Variants in JAM2 observed in about 807,000 individuals in gnomAD.
The protein encoded by JAM2 is junctional adhesion molecule B.
In JAM2, 17 loss-of-function variants were observed where a neutral mutation model predicts 42.0. The observed-to-expected ratio is 0.40, with a 90% CI of 0.28 to 0.61. The LOEUF (loss-of-function observed/expected upper bound fraction) is 0.61. Ranked by LOEUF, JAM2 falls within the 20% of genes least tolerant of loss-of-function variation. The pLI, the probability that JAM2 is intolerant of heterozygous loss-of-function variation, is 0.37. For synonymous variants in JAM2, 118 were observed against 128.6 expected (o/e 0.92, Z 0.56); for missense variants, 319 against 358.3 (o/e 0.89, Z 0.89).
intron 1 of JAM2, among the ~76,000 whole-genome samples, chr21:25,681,129 C>A (rs181369243): frequency 8.5e-5 from 13 of 152,140 alleles, no homozygotes; most frequent in Non-Finnish European, 1.6e-4. Context: ...CGAGAAATAA[C>A]CTTCTTTAGA....
intron 1 of JAM2, among the ~76,000 whole-genome samples, chr21:25,650,815 G>C (rs1394260128): frequency 1.3e-5 from 2 of 152,054 alleles, no homozygotes; most frequent in Admixed American, 6.6e-5. Context: ...CAAGCCAATG[G>C]AAGAGTATAT....
At chr21:25,685,454 GT>G (rs2033728919) in intron 2 of JAM2, among the ~76,000 whole-genome samples, 1 of 134,730 alleles carries the variant, frequency 7.4e-6, no homozygotes, top group Non-Finnish European at 1.5e-5. Flanking sequence ...GAGTGCAGGA[GT>G]TTGAGGCTGC....
At chr21:25,642,318 T>G (rs2032469071) in intron 1 of JAM2, among the ~76,000 whole-genome samples, 1 of 152,194 alleles carries the variant, frequency 6.6e-6, no homozygotes, top group Non-Finnish European at 1.5e-5. Context: ...CTTCATTTAT[T>G]TATTTAATCA....
At chr21:25,668,458 A>G (rs1568897188) in intron 1 of JAM2, among the ~76,000 whole-genome samples, 1 of 152,206 alleles carries the variant, frequency 6.6e-6, no homozygotes, top group African/African-American at 2.4e-5. Context: ...CAGATTCGGA[A>G]TGCATTTTGA....
At chr21:25,695,946 G>A (rs2034011914) in intron 4 of JAM2, among the ~76,000 whole-genome samples, 1 of 152,158 alleles carries the variant, frequency 6.6e-6, no homozygotes, top group Non-Finnish European at 1.5e-5. Flanking sequence ...CCAGACGATG[G>A]GTGGCCAGGC....
chr21:25,674,037 T>C (rs1391377231), intron 1 of JAM2, among the ~76,000 whole-genome samples: 1 of 152,216 alleles, frequency 6.6e-6, no homozygotes, highest in Non-Finnish European at 1.5e-5. Context: ...CCTTCCACCA[T>C]AATTGTGAGG....
chr21:25,671,720 G>A (rs2033366719), intron 1 of JAM2, among the ~76,000 whole-genome samples: 1 of 152,184 alleles, frequency 6.6e-6, no homozygotes, highest in Middle Eastern at 3.2e-3. Flanking sequence ...TGTTGGCCAG[G>A]CTGGTCTCGA....
rs1239521257 is a variant in JAM2 at position 25,716,150 on chromosome 21, A to C, written c.*1478A>C. 2.0e-5 allele frequency: 3 copies of C among 151,764 alleles called. No individual in the cohort carries two copies. The highest frequency in any genetic ancestry group is 6.6e-5 in the Admixed American group (1 of 15,230). The allele number at this position is 151,764 out of a possible 1,614,324, so 9.4% of individuals were successfully genotyped here. On this transcript the variant is annotated 3_prime_UTR_variant, in exon 10 of 10. Coordinates refer to ENST00000480456, the MANE Select transcript of JAM2 (RefSeq NM_021219.4). ...GTAGCTGAGATTATAGGCGTGTACC[A>C]CCACACCTGGCTAATTTTTGTATTT...
At chr21:25,687,598 T>A (rs944045249) in intron 2 of JAM2, among the ~76,000 whole-genome samples, 1 of 152,224 alleles carries the variant, frequency 6.6e-6, no homozygotes, top group Non-Finnish European at 1.5e-5. Context: ...TTGTTTCTTA[T>A]GGCTGCCATT....
intron 9 of JAM2, among the ~76,000 whole-genome samples, chr21:25,712,712 C>T (rs1478142488): frequency 1.3e-5 from 2 of 152,118 alleles, no homozygotes; most frequent in East Asian, 1.9e-4. Flanking sequence ...AATTAAAACA[C>T]AGGTTCTTAC....
At chr21:25,709,389 C>A in intron 7 of JAM2, 45 bp from the exon 8 acceptor site, 2 of 1,029,972 alleles carry the variant, frequency 1.9e-6, no homozygotes, top group Non-Finnish European at 1.4e-6. Flanking sequence ...CTGTATCATA[C>A]CATAATAACC....
chr21:25,676,286 C>CAA lies in JAM2; in HGVS notation c.68-7581_68-7580dup, dbSNP rs397958040. ...CTGGGTGACACAGAGAGACTCGTCTCAAAAAAAAAAAAAAAAAGAAAAAGA... is the reference window on the plus strand; with the variant it reads ...CTGGGTGACACAGAGAGACTCGTCTCAAAAAAAAAAAAAAAAAAAGAAAAAGA... On this transcript the variant is annotated intron_variant, in intron 1 of 9. Coordinates refer to ENST00000480456, the MANE Select transcript of JAM2 (RefSeq NM_021219.4). 4.2e-3 allele frequency among the ~76,000 whole-genome samples: 257 copies of CAA among 60,950 alleles called. 7 individuals are homozygous for CAA. The highest frequency in any genetic ancestry group is 0.029 in the East Asian group (74 of 2,566). 40.0% of individuals were successfully genotyped at this position (60,950 alleles called of 152,430 possible). A position where few individuals can be genotyped will look rare whatever the true frequency, so the allele number is the denominator to read the frequency against.
At chr21:25,678,562 A>G (rs906217877) in intron 1 of JAM2, among the ~76,000 whole-genome samples, 2 of 152,224 alleles carry the variant, frequency 1.3e-5, no homozygotes, top group Non-Finnish European at 2.9e-5. Flanking sequence ...AGTTCTTTTG[A>G]AATGACTCCC....
At chr21:25,654,391 G>T (rs1339776994) in intron 1 of JAM2, among the ~76,000 whole-genome samples, 1 of 152,152 alleles carries the variant, frequency 6.6e-6, no homozygotes, top group East Asian at 1.9e-4. Flanking sequence ...GCTCACGCCT[G>T]TAATCCCAGC....
In JAM2 at chr21:25,689,990, T is replaced by G. The variant is rs79395411; in HGVS notation, c.241+17T>G. The G allele has an allele frequency of 9.8e-4, 1,475 of 1,503,618 alleles. 21 individuals are homozygous for G. In the East Asian group the frequency reaches 0.026, roughly 27 times the overall value. 93.1% of individuals were successfully genotyped at this position (1,503,618 alleles called of 1,614,324 possible). ...CTCTTCAAGGTAAGCAGCTGTAGGC[T>G]TGAAGAGGTGTGAGCAAGAGAATGC... On this transcript the variant is annotated intron_variant, in intron 3 of 9. Transcript: ENST00000480456.
chr21:25,647,862 C>T (rs1444680581), intron 1 of JAM2, among the ~76,000 whole-genome samples: 1 of 152,166 alleles, frequency 6.6e-6, no homozygotes, highest in Admixed American at 6.5e-5. Flanking sequence ...ACATGTCAAA[C>T]TTCTGGGCAA....
Position 25,698,691 on chromosome 21 carries a change from C to A in JAM2, c.409C>A (p.Pro137Thr). 9 of 1,613,728 alleles carry A rather than the reference C, an allele frequency of 5.6e-6. No homozygotes were observed. Among genetic ancestry groups the A allele is most frequent in the Non-Finnish European group, 7.6e-6 (9 of 1,179,742 alleles). ...TLEVLVAPAV[P>T]SCEVPSSALS... ...CCATTGTTCAGTGGCTCCAGCAGTT[C>A]CATCATGTGAAGTACCCTCTTCTGC... is the stretch of plus-strand genomic sequence containing the variant. The change falls in exon 5 of 10, where the codon CCA (proline) becomes ACA (threonine). Residue 137 changes from proline to threonine, a missense_variant. Transcript: ENST00000480456.
In JAM2 at chr21:25,716,660, A is replaced by T. The variant is rs575515521; in HGVS notation, c.*1988A>T. ...CACAAAGGCAGCCACAGACAAAACA[A>T]GCAAGTAGTCATGTCTGTGTTCCAA... On this transcript the variant is annotated 3_prime_UTR_variant, in exon 10 of 10. Transcript: ENST00000480456. The T allele has an allele frequency of 2.0e-5, 3 of 152,362 alleles. No individual in the cohort carries two copies. The highest frequency in any genetic ancestry group is 2.9e-5 in the Non-Finnish European group (2 of 68,040). The allele number at this position is 152,362 out of a possible 1,614,324, so 9.4% of individuals were successfully genotyped here. A position where few individuals can be genotyped will look rare whatever the true frequency, so the allele number is the denominator to read the frequency against.
intron 4 of JAM2, among the ~76,000 whole-genome samples, chr21:25,695,666 C>G (rs552399555): frequency 1.3e-5 from 2 of 151,398 alleles, no homozygotes; most frequent in African/African-American, 4.9e-5. Context: ...ACTTCCCAGA[C>G]GGGGCGGGGC....
Sources: allele counts gnomAD v4.1 joint callset (sites outside exome capture counted in the v4.1 genomes callset), GRCh38; gene constraint gnomAD v4.1.1; transcripts MANE v1.5; gene names NCBI Gene and HGNC (gene_info 2026-07-23, HGNC 2026-07-21).